The following PTPRD variants were observed in gnomAD, a reference collection of about 807,000 sequenced individuals.
The protein encoded by PTPRD is protein tyrosine phosphatase receptor type D.
Under a neutral mutation model 214.5 loss-of-function variants are expected in PTPRD, and 34 were observed. The observed-to-expected ratio is 0.16, with a 90% CI of 0.12 to 0.21. The LOEUF is 0.21. Ranked by LOEUF, PTPRD falls within the 10% of genes least tolerant of loss-of-function variation. The pLI is 1.00. For synonymous variants in PTPRD, 1,128 were observed against 845.7 expected, an observed-to-expected ratio of 1.33 and a Z score of -5.79; for missense variants, 2,545 against 2,398.7, an observed-to-expected ratio of 1.06 and a Z score of -1.27.
chr9:9,372,497 C>T (rs1489856163), intron 9 of PTPRD, among the ~76,000 whole-genome samples: 1 of 152,034 alleles, frequency 6.6e-6, no homozygotes, highest in African/African-American at 2.4e-5. Flanking sequence ...TATTTTGAGC[C>T]TACGTGTGTC....
intron 3 of PTPRD, among the ~76,000 whole-genome samples, chr9:10,071,963 C>A (rs1461800089): frequency 6.6e-6 from 1 of 151,454 alleles, no homozygotes; most frequent in Non-Finnish European, 1.5e-5. Flanking sequence ...ATGAAGAGAT[C>A]CTGTGTATTT....
At chr9:8,804,355 T>G (rs551897870) in intron 11 of PTPRD, among the ~76,000 whole-genome samples, 2 of 152,006 alleles carry the variant, frequency 1.3e-5, no homozygotes, top group Admixed American at 6.6e-5. Context: ...CCCAGCATTT[T>G]GGGAACCGAG....
intron 14 of PTPRD, among the ~76,000 whole-genome samples, chr9:8,584,556 A>G (rs2093477637): frequency 1.3e-5 from 2 of 152,180 alleles, no homozygotes; most frequent in African/African-American, 4.8e-5. Context: ...ATTGGTTTTG[A>G]TTAATGCCAA....
At chr9:9,079,984 T>A (rs987957087) in intron 10 of PTPRD, among the ~76,000 whole-genome samples, 2 of 152,090 alleles carry the variant, frequency 1.3e-5, no homozygotes, top group African/African-American at 4.8e-5. Context: ...CAATACAATA[T>A]TAAATGTTCA....
rs375866664 is a variant in PTPRD at position 9,015,842 on chromosome 9, C to T, written c.-104+2855G>A. On this transcript the variant is annotated intron_variant, in intron 11 of 45. Transcript: ENST00000381196. Reference sequence around the variant, plus strand: ...ATCTTCCCTGACTTCAGCAAGTATACGTAGATCAACCACCAATTTTTGACC... The same window carrying T: ...ATCTTCCCTGACTTCAGCAAGTATATGTAGATCAACCACCAATTTTTGACC... Among the ~76,000 whole-genome samples, 14 of 152,080 alleles carry T rather than the reference C, an allele frequency of 9.2e-5. No individual in the cohort carries two copies. The South Asian group carries it at 1.4e-3, about 16-fold the overall frequency.
At chr9:8,523,556 CA>C (rs1206156785) in intron 18 of PTPRD, 32 bp from the exon 19 acceptor site, 4 of 1,611,018 alleles carry the variant, frequency 2.5e-6, no homozygotes, top group Non-Finnish European at 3.4e-6. Context: ...ATGCAGAACA[CA>C]ATGAAATGAG....
chr9:10,270,840 T>C (rs987908970), intron 3 of PTPRD, among the ~76,000 whole-genome samples: 1 of 147,740 alleles, frequency 6.8e-6, no homozygotes, highest in African/African-American at 2.6e-5. Context: ...TGTCATAATA[T>C]TTTATTTTAC....
At chr9:8,980,021 CAT>C (rs1399136162) in intron 11 of PTPRD, among the ~76,000 whole-genome samples, 1 of 151,980 alleles carries the variant, frequency 6.6e-6, no homozygotes, top group Non-Finnish European at 1.5e-5. Context: ...CACACACACA[CAT>C]ACACACTGGA....
chr9:9,674,925 C>CA (rs562977361), intron 7 of PTPRD, among the ~76,000 whole-genome samples: 92 of 150,868 alleles, frequency 6.1e-4, no homozygotes, highest in African/African-American at 1.9e-3. Context: ...AACAAAAAGA[C>CA]AAAAAAAAGT....
intron 12 of PTPRD, among the ~76,000 whole-genome samples, chr9:8,706,056 A>G (rs1399681403): frequency 1.3e-5 from 2 of 152,182 alleles, no homozygotes; most frequent in Admixed American, 1.3e-4. Context: ...CAGGACTCAA[A>G]TTCTCCCAAA....
intron 14 of PTPRD, among the ~76,000 whole-genome samples, chr9:8,597,665 T>G (rs1489710143): frequency 6.6e-6 from 1 of 152,192 alleles, no homozygotes. Flanking sequence ...ATCAATTTCA[T>G]GCTCACTGAT....
intron 11 of PTPRD, among the ~76,000 whole-genome samples, chr9:8,834,909 T>C (rs1254116344): frequency 2.0e-5 from 3 of 152,196 alleles, no homozygotes; most frequent in African/African-American, 7.2e-5. Context: ...GCAGGCAGCT[T>C]AGTGAGTAAC....
intron 3 of PTPRD, among the ~76,000 whole-genome samples, chr9:10,192,183 T>C (rs1055603414): frequency 6.6e-6 from 1 of 152,098 alleles, no homozygotes; most frequent in Non-Finnish European, 1.5e-5. Context: ...GCTGCCATTT[T>C]TGTTTTTAAA....
At chr9:9,207,973 A>G (rs2099945933) in intron 9 of PTPRD, among the ~76,000 whole-genome samples, 1 of 146,666 alleles carries the variant, frequency 6.8e-6, no homozygotes, top group Admixed American at 7.1e-5. Flanking sequence ...ATAGTATGCC[A>G]TTATTTTTCT....
intron 12 of PTPRD, among the ~76,000 whole-genome samples, chr9:8,660,915 T>C (rs1187605937): frequency 2.0e-5 from 3 of 152,058 alleles, no homozygotes; most frequent in Non-Finnish European, 4.4e-5. Flanking sequence ...AACCTTCATA[T>C]GGCATCTCAG....
chr9:9,783,798 T>A (rs2098888227), intron 5 of PTPRD, among the ~76,000 whole-genome samples: 1 of 147,664 alleles, frequency 6.8e-6, no homozygotes, highest in South Asian at 2.1e-4. Context: ...TAATTATTCA[T>A]CTGTTTTTCT....
intron 3 of PTPRD, among the ~76,000 whole-genome samples, chr9:10,131,075 T>G (rs946289399): frequency 9.2e-5 from 14 of 152,068 alleles, no homozygotes; most frequent in African/African-American, 3.4e-4. Flanking sequence ...AAGAATTGCA[T>G]TTGTTGGAGG....
intron 10 of PTPRD, among the ~76,000 whole-genome samples, chr9:9,051,844 TCC>T (rs2099686336): frequency 6.6e-6 from 1 of 152,198 alleles, no homozygotes; most frequent in Admixed American, 6.6e-5. Flanking sequence ...AAATTTCTAA[TCC>T]TGCCTGGTCA....
intron 11 of PTPRD, among the ~76,000 whole-genome samples, chr9:8,823,833 C>A (rs1383453425): frequency 6.6e-6 from 1 of 152,084 alleles, no homozygotes; most frequent in East Asian, 1.9e-4. Flanking sequence ...AAAGCAAGTT[C>A]ATTAAAAAAG....
Sources: allele counts gnomAD v4.1 joint callset (sites outside exome capture counted in the v4.1 genomes callset), GRCh38; gene constraint gnomAD v4.1.1; transcripts MANE v1.5; gene names NCBI Gene and HGNC (gene_info 2026-07-23, HGNC 2026-07-21).